The following DNAH12 variants were observed in gnomAD, a reference collection of about 807,000 sequenced individuals.
The protein encoded by DNAH12 is axonemal beta dynein heavy chain 12.
Under a neutral mutation model 371.5 loss-of-function variants are expected in DNAH12, and 285 were observed. The observed-to-expected ratio is 0.77, with a 90% CI of 0.70 to 0.85. The LOEUF (loss-of-function observed/expected upper bound fraction) is 0.85, where lower values mean the gene tolerates loss of function less well. Ranked by LOEUF, DNAH12 falls within the 40% of genes least tolerant of loss-of-function variation. The pLI is 0.00. For missense variants in DNAH12, 3,611 were observed against 3,689.4 expected (o/e 0.98, Z 0.55); for synonymous variants, 1,200 against 1,213.0 (o/e 0.99, Z 0.22).
chr3:57,386,089 T>TA (rs1203954554), intron 47 of DNAH12, among the ~76,000 whole-genome samples: 5 of 152,106 alleles, frequency 3.3e-5, no homozygotes, highest in Non-Finnish European at 5.9e-5. Flanking sequence ...CTTGACTCAT[T>TA]AAAAAAACCA....
chr3:57,443,448 G>A (rs572420560), intron 29 of DNAH12, among the ~76,000 whole-genome samples: 1 of 151,966 alleles, frequency 6.6e-6, no homozygotes, highest in African/African-American at 2.4e-5. Flanking sequence ...TTTCTATAAC[G>A]GCTATAAGCA....
rs17058148 is a variant in DNAH12, at chr3:57,433,237, T to C, written c.4980+130A>G. On this transcript the variant is annotated intron_variant, in intron 32 of 73. Transcript: ENST00000495027. ...CAGTTTTCATTGAAAAGAGAATTTA[T>C]AAACCTACTCAACTTGCTGCATCCT... 0.16 allele frequency: 178,524 copies of C among 1,142,024 alleles called. 14,554 individuals carry two copies. Among genetic ancestry groups the C allele is most frequent in the South Asian group, 0.21 (8,250 of 39,614 alleles). The allele number at this position is 1,142,024 out of a possible 1,614,324, so 70.7% of individuals were successfully genotyped here. A position where few individuals can be genotyped will look rare whatever the true frequency, so the allele number is the denominator to read the frequency against.
chr3:57,541,058 G>A (rs1575757928), intron 2 of DNAH12, among the ~76,000 whole-genome samples: 2 of 143,292 alleles, frequency 1.4e-5, no homozygotes. Flanking sequence ...TTATTTTTTT[G>A]AGATGGAGTC....
intron 5 of DNAH12, among the ~76,000 whole-genome samples, chr3:57,509,667 G>T (rs2067907850): frequency 6.6e-6 from 1 of 151,874 alleles, no homozygotes; most frequent in Non-Finnish European, 1.5e-5. Flanking sequence ...TTTGAGACCA[G>T]GCTAGCCAAC....
In DNAH12 at chr3:57,378,752, T is replaced by C. The variant is rs998398277; in HGVS notation, c.8223+406A>G. On this transcript the variant is annotated intron_variant, in intron 52 of 73. Coordinates refer to ENST00000495027, the MANE Select transcript of DNAH12 (RefSeq NM_001366028.2). ...GTTCTTGTTTCAGGGGATCTTTCCA[T>C]GCTCTGCCTCTTAACTCTGCTGGAT... Among the ~76,000 whole-genome samples, 33 of 152,330 alleles carry C rather than the reference T, an allele frequency of 2.2e-4. 2 individuals carry two copies. Among genetic ancestry groups the C allele is most frequent in the Middle Eastern group, 3.4e-3 (1 of 294 alleles).
chr3:57,511,290 C>T (rs1045209041), intron 4 of DNAH12, among the ~76,000 whole-genome samples: 8 of 152,024 alleles, frequency 5.3e-5, no homozygotes, highest in African/African-American at 9.6e-5. Context: ...ATATATCCAC[C>T]GATTCAACAA....
chr3:57,551,358 G>A, the DNAH12 span, among the ~76,000 whole-genome samples: 6 of 151,554 alleles, frequency 4.0e-5, no homozygotes, highest in South Asian at 4.2e-4. Context: ...TGCAAGCTCC[G>A]CCTCCCGGGT....
At chr3:57,515,868 C>T (rs959376375) in intron 4 of DNAH12, among the ~76,000 whole-genome samples, 6 of 151,718 alleles carry the variant, frequency 4.0e-5, no homozygotes, top group African/African-American at 1.5e-4. Context: ...ATTCTTTGTA[C>T]TCTTTTTTGC....
intron 55 of DNAH12, among the ~76,000 whole-genome samples, chr3:57,368,936 G>C (rs2063107994): frequency 6.6e-6 from 1 of 152,050 alleles, no homozygotes; most frequent in Admixed American, 6.6e-5. Flanking sequence ...GCCGGGCACG[G>C]TGGCTCAGGC....
chr3:57,540,230 T>C, intron 2 of DNAH12, among the ~76,000 whole-genome samples: 1 of 151,704 alleles, frequency 6.6e-6, no homozygotes, highest in Non-Finnish European at 1.5e-5. Flanking sequence ...TTTGTATTTT[T>C]AGTAGAGACA....
At chr3:57,390,928 A>G (rs2063609890) in intron 45 of DNAH12, among the ~76,000 whole-genome samples, 1 of 152,152 alleles carries the variant, frequency 6.6e-6, no homozygotes, top group Admixed American at 6.5e-5. Context: ...TACCTTGCCA[A>G]TGTCTTTGTA....
intron 69 of DNAH12, among the ~76,000 whole-genome samples, chr3:57,305,946 G>A (rs924768309): frequency 1.3e-5 from 2 of 152,204 alleles, no homozygotes; most frequent in Non-Finnish European, 2.9e-5. Context: ...TCCCCCAGGA[G>A]CTTGCTACAA....
rs564934224 is a variant in DNAH12, at chr3:57,442,910, A to G, written c.4545+1787T>C. The stretch of plus-strand genomic sequence containing the variant: ...TCAAACAAAAAGATTTTGCAGTCAT[A>G]TCGTAAAGAGAAGACATGGAAGAAT... On this transcript the variant is annotated intron_variant, in intron 29 of 73. Transcript: ENST00000495027. Among the ~76,000 whole-genome samples the G allele has an allele frequency of 2.1e-4, 32 of 152,310 alleles. No individual in the cohort carries two copies. In the South Asian group the frequency reaches 6.6e-3, roughly 32 times the overall value.
chr3:57,383,759 T>TAAA (rs1276621133), intron 49 of DNAH12, among the ~76,000 whole-genome samples: 4 of 132,578 alleles, frequency 3.0e-5, no homozygotes, highest in South Asian at 2.4e-4. Context: ...GACCCTGTCT[T>TAAA]AAAAAAAAAA....
chr3:57,532,698 C>A (rs952139774), intron 2 of DNAH12, among the ~76,000 whole-genome samples: 1 of 152,224 alleles, frequency 6.6e-6, no homozygotes, highest in African/African-American at 2.4e-5. Flanking sequence ...GACCCTCTCT[C>A]TGTGTGCTGA....
chr3:57,348,297 G>A (rs1322786745), intron 60 of DNAH12, among the ~76,000 whole-genome samples: 4 of 152,242 alleles, frequency 2.6e-5, no homozygotes, highest in Non-Finnish European at 4.4e-5. Context: ...TAACCCTCTG[G>A]AAATGACAAA....
At chr3:57,413,601 T>A in intron 39 of DNAH12, 145 bp downstream of exon 39, 1 of 883,984 alleles carries the variant, frequency 1.1e-6, no homozygotes, top group African/African-American at 1.7e-5. Flanking sequence ...CTTTTCGAAA[T>A]ATATTAGAGA....
intron 9 of DNAH12, 63 bp from the exon 10 acceptor site, chr3:57,502,542 A>C (rs1204125281): frequency 1.4e-6 from 2 of 1,450,696 alleles, no homozygotes; most frequent in Non-Finnish European, 1.8e-6. Context: ...ATTAATCTAT[A>C]TGTAGATCTT....
At chr3:57,507,403 T>C (rs2067803345) in intron 8 of DNAH12, among the ~76,000 whole-genome samples, 1 of 152,176 alleles carries the variant, frequency 6.6e-6, no homozygotes, top group South Asian at 2.1e-4. Flanking sequence ...TTAACTTATA[T>C]ATCCTTTAGG....
Sources: gnomAD v4.1 joint callset for allele counts (sites outside exome capture counted in the v4.1 genomes callset) on GRCh38, gnomAD v4.1.1 for gene constraint, MANE v1.5 for transcripts, NCBI Gene and HGNC (gene_info 2026-07-23, HGNC 2026-07-21) for gene names.